Variants in PRH1 observed in about 807,000 individuals in gnomAD.
PRH1 encodes the protein proline rich protein HaeIII subfamily 1.
In PRH1, 7 loss-of-function variants were observed where a neutral mutation model predicts 7.9. The observed-to-expected ratio is 0.89, with a 90% confidence interval of 0.50 to 1.67. PRH1 has a LOEUF of 1.67. Ranked by LOEUF, PRH1 falls within the 40% of genes most tolerant of loss-of-function variation. The probability of loss-of-function intolerance (pLI) is 0.00; values close to 1 mark genes in which losing one functional copy is unlikely to be tolerated. For synonymous variants in PRH1, 45 were observed against 80.8 expected, an observed-to-expected ratio of 0.56 and a Z score of 2.38; for missense variants, 109 against 223.6, an observed-to-expected ratio of 0.49 and a Z score of 3.27.
At chr12:10,921,427 G>T (rs1446686844) in intron 2 of PRH1, among the ~76,000 whole-genome samples, 2 of 151,946 alleles carry the variant, frequency 1.3e-5, no homozygotes, top group Non-Finnish European at 2.9e-5. Flanking sequence ...AATTTCAACT[G>T]AGTTTTTAAA....
intron 2 of PRH1, among the ~76,000 whole-genome samples, chr12:10,898,516 C>T (rs1712688738): frequency 6.6e-6 from 1 of 152,082 alleles, no homozygotes; most frequent in Admixed American, 6.5e-5. Context: ...TGTTCCAGCC[C>T]TCTAGGAGGT....
chr12:11,106,655 C>T (rs1399364788), intron 1 of PRH1, among the ~76,000 whole-genome samples: 2 of 81,398 alleles, frequency 2.5e-5, no homozygotes, highest in African/African-American at 3.9e-5. Context: ...TAAGAGGAAT[C>T]GATGTTAAAA....
chr12:11,054,888 TGCCTCACTGCAAGCTCC>T lies in PRH1; in HGVS notation n.124-7717_124-7701del, dbSNP rs1194169477. On this transcript the variant is annotated intron_variant and non_coding_transcript_variant, in intron 1 of 4. Transcript: ENST00000541977. ...CGAGATCTCGGCTCACTGCAAGCTC[TGCCTCACTGCAAGCTCC>T]GCCTCACTGCAAGCTCCGCCTCACT... 6.9e-3 allele frequency among the ~76,000 whole-genome samples: 918 copies of T among 133,260 alleles called. 7 individuals are homozygous for T. Among genetic ancestry groups the T allele is most frequent in the African/African-American group, 0.02 (708 of 35,680 alleles). The allele number at this position is 133,260 out of a possible 152,430, so 87.4% of individuals were successfully genotyped here.
intron 1 of PRH1, among the ~76,000 whole-genome samples, chr12:10,975,745 A>C (rs953979774): frequency 2.6e-5 from 2 of 77,038 alleles, no homozygotes; most frequent in Non-Finnish European, 6.9e-5. Flanking sequence ...AGCAAATAAA[A>C]AATAGAAAAA....
intron 1 of PRH1, chr12:11,021,495 C>G: frequency 1.9e-6 from 1 of 532,630 alleles, no homozygotes; most frequent in South Asian, 2.5e-5. Context: ...ACATATACAC[C>G]CATAAATATA....
chr12:11,030,434 AC>A, intron 1 of PRH1: 1 of 1,614,204 alleles, frequency 6.2e-7, no homozygotes, highest in Non-Finnish European at 8.5e-7. Context: ...CTCTCCTTTC[AC>A]CCAGTACCTC....
At chr12:11,107,982 GGA>G (rs1441566865) in intron 1 of PRH1, among the ~76,000 whole-genome samples, 1 of 152,194 alleles carries the variant, frequency 6.6e-6, no homozygotes, top group Admixed American at 6.5e-5. Context: ...AAAAAGGCCA[GGA>G]GAGAGTGGTA....
At position 10,882,167 on chromosome 12, in the gene PRH1, G is replaced by A; in HGVS notation, c.*18+50C>T. 3 of 1,605,522 alleles carry A rather than the reference G, an allele frequency of 1.9e-6. No homozygotes were observed. The South Asian group carries it at 3.3e-5, about 18-fold the overall frequency. On this transcript the variant is annotated intron_variant, in intron 3 of 3. Coordinates refer to ENST00000543626, the MANE Select transcript of PRH1 (RefSeq NM_001393989.1). ...AGGATTCATTGGCACAATGAAGTTG[G>A]AGAACTGTAGCAGTTGGAGCCTTTG...
chr12:10,920,086 G>T (rs967333049), intron 2 of PRH1, among the ~76,000 whole-genome samples: 1 of 151,748 alleles, frequency 6.6e-6, no homozygotes, highest in Non-Finnish European at 1.5e-5. Context: ...TAGAGACAAG[G>T]TCTCACTGTG....
Position 10,988,084 on chromosome 12 carries a change from A to G in PRH1, c.-125-14363T>C, listed in dbSNP as rs144872482. ...AAACTAATGGAGTCAGTTTGCCTGC[A>G]CTTGATCCATCCTAAATTGGCCAAA... On this transcript the variant is annotated intron_variant, in intron 1 of 3. Transcript: ENST00000539853. Among the ~76,000 whole-genome samples, 412 of 152,250 alleles carry G rather than the reference A, an allele frequency of 2.7e-3. 4 individuals are homozygous for G. Among genetic ancestry groups the G allele is most frequent in the African/African-American group, 9.2e-3 (382 of 41,516 alleles).
At chr12:11,135,156 A>G (rs949284523) in intron 1 of PRH1, among the ~76,000 whole-genome samples, 18 of 152,312 alleles carry the variant, frequency 1.2e-4, no homozygotes, top group African/African-American at 4.3e-4. Context: ...CAGCAATTTT[A>G]TAAGTATTCC....
intron 1 of PRH1, among the ~76,000 whole-genome samples, chr12:10,980,284 T>A (rs1939292594): frequency 6.6e-6 from 1 of 152,152 alleles, no homozygotes; most frequent in Non-Finnish European, 1.5e-5. Flanking sequence ...AAAAAATGGG[T>A]TAATCAATCA....
At chr12:10,903,297 C>G (rs1354508667) in intron 2 of PRH1, among the ~76,000 whole-genome samples, 2 of 152,056 alleles carry the variant, frequency 1.3e-5, no homozygotes, top group Non-Finnish European at 2.9e-5. Context: ...TTCAATTCAA[C>G]AAGAAGACTT....
intron 2 of PRH1, among the ~76,000 whole-genome samples, chr12:10,916,683 T>C (rs1335988834): frequency 6.6e-6 from 1 of 151,148 alleles, no homozygotes; most frequent in East Asian, 2.0e-4. Flanking sequence ...AAACTATCAT[T>C]CTCCCCATTT....
chr12:10,962,870 T>C (rs75102003), intron 2 of PRH1, among the ~76,000 whole-genome samples: 37,005 of 152,042 alleles, frequency 0.24, 4,543 homozygotes, highest in Non-Finnish European at 0.25. Flanking sequence ...CCTGGGTTCA[T>C]GCCATTCTCC....
At chr12:11,055,514 G>A (rs374670465) in intron 1 of PRH1, among the ~76,000 whole-genome samples, 6 of 152,260 alleles carry the variant, frequency 3.9e-5, no homozygotes, top group African/African-American at 1.4e-4. Context: ...ACCGGGCCAT[G>A]CTACTGAATG....
At position 11,081,926 on chromosome 12, in the gene PRH1, C is replaced by G. The variant is rs1439653397; in HGVS notation, n.124-34738G>C. ...TTCCTATTAAGCAATTTTATTTATA[C>G]TAAAATCAAAATCTTTTCATAGTGT... On this transcript the variant is annotated intron_variant and non_coding_transcript_variant, in intron 1 of 4. Coordinates refer to the PRH1 transcript ENST00000541977. Among the ~76,000 whole-genome samples the G allele has an allele frequency of 2.6e-5, 3 of 116,946 alleles. 1 individual carries two copies. The highest frequency in any genetic ancestry group is 6.1e-5 in the Non-Finnish European group (3 of 49,336). 76.7% of individuals were successfully genotyped at this position (116,946 alleles called of 152,430 possible). A position where few individuals can be genotyped will look rare whatever the true frequency, so the allele number is the denominator to read the frequency against.
chr12:11,107,024 C>T (rs972268806), intron 1 of PRH1, among the ~76,000 whole-genome samples: 3 of 151,794 alleles, frequency 2.0e-5, no homozygotes, highest in Non-Finnish European at 2.9e-5. Flanking sequence ...GGTAGGGGAG[C>T]GAGAAAGACA....
At chr12:11,005,007 T>C (rs1031556403) in intron 1 of PRH1, among the ~76,000 whole-genome samples, 1 of 152,140 alleles carries the variant, frequency 6.6e-6, no homozygotes, top group African/African-American at 2.4e-5. Context: ...CCTAATATCA[T>C]TGGATAAGAT....
Sources: allele counts gnomAD v4.1 joint callset (sites outside exome capture counted in the v4.1 genomes callset), GRCh38; gene constraint gnomAD v4.1.1; transcripts MANE v1.5; gene names NCBI Gene and HGNC (gene_info 2026-07-23, HGNC 2026-07-21).